Variants in OCRL observed in about 807,000 individuals in gnomAD.
OCRL encodes the protein inositol polyphosphate 5-phosphatase OCRL.
In OCRL, 8 loss-of-function variants were observed where a neutral mutation model predicts 78.9. The ratio of observed to expected loss-of-function variants is 0.10; its 90% CI spans 0.06 to 0.18. OCRL has a LOEUF of 0.18. Among genes scored for constraint, OCRL ranks in the 10% least tolerant of loss-of-function variants. The probability of loss-of-function intolerance (pLI) is 1.00; values close to 1 mark genes in which losing one functional copy is unlikely to be tolerated. For missense variants in OCRL, 454 were observed against 696.7 expected (o/e 0.65, Z 3.92); for synonymous variants, 240 against 235.4 (o/e 1.02, Z -0.18).
At chrX:129,564,510 G>A (rs1227841929) in intron 12 of OCRL, among the ~76,000 whole-genome samples, 9 of 110,881 alleles carry the variant, frequency 8.1e-5, no homozygotes, top group Middle Eastern at 9.3e-3. Flanking sequence ...AGAAAATGTG[G>A]CACATATACA....
intron 2 of OCRL, 63 bp downstream of exon 2, chrX:129,540,886 G>GCGA: frequency 1.0e-6 from 1 of 962,670 alleles, no homozygotes; most frequent in Admixed American, 2.2e-5. Context: ...ACCCCAAACC[G>GCGA]CGACGGGTCA....
intron 15 of OCRL, among the ~76,000 whole-genome samples, chrX:129,574,295 A>G (rs780769880): frequency 8.9e-6 from 1 of 112,486 alleles, no homozygotes; most frequent in Admixed American, 9.4e-5. Context: ...CCGATATCTC[A>G]AGTTAAAATC....
Position 129,562,368 on chromosome X carries a change from T to G in OCRL, c.940-16T>G, listed in dbSNP as rs371164278. 1.8e-5 allele frequency: 21 copies of G among 1,149,247 alleles called. No homozygotes were observed. Among genetic ancestry groups the G allele is most frequent in the Non-Finnish European group, 2.5e-5 (21 of 838,549 alleles). The allele number at this position is 1,149,247 out of a possible 1,213,427, so 94.7% of individuals were successfully genotyped here. A position where few individuals can be genotyped will look rare whatever the true frequency, so the allele number is the denominator to read the frequency against. On this transcript the variant is annotated splice_polypyrimidine_tract_variant and intron_variant, in intron 10 of 23. Coordinates refer to ENST00000371113, the MANE Select transcript of OCRL (RefSeq NM_000276.4). The stretch of plus-strand genomic sequence containing the variant: ...GGTATTAACATTAACCTTTTGTAAC[T>G]CCCCGGAACTCATAGGTTCAACTGG...
At chrX:129,561,382 A>G in intron 10 of OCRL, 89 bp downstream of exon 10, 1 of 588,181 alleles carries the variant, frequency 1.7e-6, no homozygotes, top group Non-Finnish European at 3.0e-6. Context: ...TTCCAAAAGA[A>G]TAGTTTAATT....
intron 4 of OCRL, among the ~76,000 whole-genome samples, chrX:129,554,802 A>C (rs190630905): frequency 2.7e-4 from 29 of 109,113 alleles, no homozygotes; most frequent in Non-Finnish European, 1.1e-4. Flanking sequence ...AAATACAAAA[A>C]TTAGCTGGGT....
Position 129,540,393 on chromosome X carries a change from G to A in OCRL, c.-47G>A. ...TGGGGACGCGGGAGCCAGTGTCGTC[G>A]GATCGGCCCGCAGTCCGCTGTCCTG... is the stretch of plus-strand genomic sequence containing the variant. On this transcript the variant is annotated 5_prime_UTR_variant, in exon 1 of 24. Transcript: ENST00000371113. 1.7e-6 allele frequency: 2 copies of A among 1,145,162 alleles called. No homozygotes were observed. Among genetic ancestry groups the A allele is most frequent in the Non-Finnish European group, 2.3e-6 (2 of 862,831 alleles). The allele number at this position is 1,145,162 out of a possible 1,213,427, so 94.4% of individuals were successfully genotyped here.
chrX:129,542,318 CATT>C (rs1403881660), intron 2 of OCRL, among the ~76,000 whole-genome samples: 4 of 108,875 alleles, frequency 3.7e-5, no homozygotes, highest in Admixed American at 9.8e-5. Context: ...ATATAACTAA[CATT>C]AATATATAGG....
rs1174468423 is a variant in OCRL, at chrX:129,562,679, C to T, written c.1137C>T (p.His379=). Residue 379 remains histidine (H), a synonymous_variant, in exon 12 of 24, where the codon CAC becomes CAT. Coordinates refer to ENST00000371113, the MANE Select transcript of OCRL (RefSeq NM_000276.4). ...TTGTCAATTCCCATCTGGCTGCACACGTGGAGGACTTTGAGAGAAGGAATC... is the reference window on the plus strand; with the variant it reads ...TTGTCAATTCCCATCTGGCTGCACATGTGGAGGACTTTGAGAGAAGGAATC... The part of the protein sequence containing the change: ...FCIVNSHLAA[H]VEDFERRNQD... The T allele has an allele frequency of 2.5e-6, 3 of 1,210,773 alleles. No homozygotes were observed. Among genetic ancestry groups the T allele is most frequent in the African/African-American group, 1.7e-5 (1 of 57,736 alleles).
In OCRL at chrX:129,592,509, TA is replaced by T. The variant is rs1352717965; in HGVS notation, c.*2241del. 8.9e-6 allele frequency: 1 copy of T among 112,634 alleles called. No individual in the cohort carries two copies. Among genetic ancestry groups the T allele is most frequent in the Non-Finnish European group, 1.9e-5 (1 of 53,298 alleles). The allele number at this position is 112,634 out of a possible 1,213,427, so 9.3% of individuals were successfully genotyped here. A position where few individuals can be genotyped will look rare whatever the true frequency, so the allele number is the denominator to read the frequency against. Reference sequence around the variant, plus strand: ...ATATTTCGTGTCATCTTTTTTATTATAATTTATTGCAAATTTTTTTCTGAAT... The same window carrying T: ...ATATTTCGTGTCATCTTTTTTATTATATTTATTGCAAATTTTTTTCTGAAT... On this transcript the variant is annotated 3_prime_UTR_variant, in exon 24 of 24. Coordinates refer to ENST00000371113, the MANE Select transcript of OCRL (RefSeq NM_000276.4).
chrX:129,555,607 A>G (rs1205802276), intron 4 of OCRL, among the ~76,000 whole-genome samples: 3 of 112,615 alleles, frequency 2.7e-5, no homozygotes, highest in Non-Finnish European at 5.6e-5. Context: ...ACAGAGGTCC[A>G]GAAGGTTTTA....
At chrX:129,546,522 C>A (rs953230363) in intron 3 of OCRL, among the ~76,000 whole-genome samples, 2 of 111,948 alleles carry the variant, frequency 1.8e-5, no homozygotes, top group Admixed American at 9.4e-5. Flanking sequence ...AAAATAACTT[C>A]AATGAATAGT....
chrX:129,547,072 AAAC>A (rs1422519357), intron 3 of OCRL, among the ~76,000 whole-genome samples: 2 of 110,947 alleles, frequency 1.8e-5, no homozygotes, highest in Non-Finnish European at 1.9e-5. Context: ...AAAATTAAAA[AAAC>A]AACATTTGCC....
chrX:129,588,325 C>A, intron 21 of OCRL, 62 bp downstream of exon 21: 1 of 799,222 alleles, frequency 1.3e-6, no homozygotes, highest in Non-Finnish European at 1.9e-6. Context: ...CTTCTTCGCA[C>A]CTATATTTGA....
intron 3 of OCRL, among the ~76,000 whole-genome samples, chrX:129,547,538 A>AG (rs1460947175): frequency 5.6e-4 from 61 of 109,296 alleles, no homozygotes; most frequent in African/African-American, 1.9e-3. Context: ...AAAAAAAAAA[A>AG]AAAAAGAAAA....
intron 3 of OCRL, among the ~76,000 whole-genome samples, chrX:129,547,113 C>T (rs944204832): frequency 6.3e-5 from 7 of 111,183 alleles, no homozygotes; most frequent in Admixed American, 9.6e-5. Context: ...CATGTAGTCC[C>T]AGCTACTTGG....
At chrX:129,561,730 A>G (rs1936148191) in intron 10 of OCRL, among the ~76,000 whole-genome samples, 1 of 111,720 alleles carries the variant, frequency 9.0e-6, no homozygotes, top group Admixed American at 9.5e-5. Flanking sequence ...AGGAGAGTTG[A>G]CTTTAGCAAG....
At position 129,540,342 on chromosome X, in the gene OCRL, C is replaced by T; in HGVS notation, c.-98C>T. 1 of 967,412 alleles carries T rather than the reference C, an allele frequency of 1.0e-6. No homozygotes were observed. The highest frequency in any genetic ancestry group is 1.4e-6 in the Non-Finnish European group (1 of 703,605). 79.7% of individuals were successfully genotyped at this position (967,412 alleles called of 1,213,427 possible). On this transcript the variant is annotated 5_prime_UTR_variant, in exon 1 of 24. In the 5' UTR this introduces an upstream ATG that the reference lacks. Transcript: ENST00000371113. ...GCCCGGCGCGGAGCTGTTCCTCAAA[C>T]GACACGCAGCCGAGGTGGGTGGGTG...
intron 4 of OCRL, among the ~76,000 whole-genome samples, chrX:129,556,753 G>T (rs1193442579): frequency 1.8e-5 from 2 of 112,382 alleles, no homozygotes; most frequent in Non-Finnish European, 3.8e-5. Context: ...GTTTATTCAA[G>T]ACATACATTT....
At position 129,589,976 on chromosome X, in the gene OCRL, C is replaced by G. The variant is rs1217688521; in HGVS notation, c.2581+20C>G. ...TGATCGGTAAGAGTGCTTCATGCAA[C>G]ACGGGGCGTTTGTTGAGAATACTCT... On this transcript the variant is annotated intron_variant, in intron 23 of 23. Transcript: ENST00000371113. The G allele has an allele frequency of 1.7e-6, 2 of 1,154,483 alleles. No homozygotes were observed. Among genetic ancestry groups the G allele is most frequent in the Admixed American group, 2.2e-5 (1 of 45,727 alleles).
Sources: allele counts gnomAD v4.1 joint callset (sites outside exome capture counted in the v4.1 genomes callset), GRCh38; gene constraint gnomAD v4.1.1; transcripts MANE v1.5; gene names NCBI Gene and HGNC (gene_info 2026-07-23, HGNC 2026-07-21).